Variants in ZSWIM5 observed in about 807,000 individuals in gnomAD.
The protein encoded by ZSWIM5 is zinc finger SWIM domain-containing protein 5.
In ZSWIM5, 55 loss-of-function variants were observed where a neutral mutation model predicts 119.6. That is an observed-to-expected ratio of 0.46 (90% CI 0.37 to 0.58). ZSWIM5 has a LOEUF of 0.58. Among genes scored for constraint, ZSWIM5 ranks in the 20% least tolerant of loss-of-function variants. ZSWIM5 has a pLI of 0.00. For synonymous variants in ZSWIM5, 537 were observed against 606.9 expected, an observed-to-expected ratio of 0.88 and a Z score of 1.69; for missense variants, 1,193 against 1,512.8, an observed-to-expected ratio of 0.79 and a Z score of 3.51.
At chr1:45,081,370 G>A (rs1645289233) in intron 2 of ZSWIM5, among the ~76,000 whole-genome samples, 1 of 152,018 alleles carries the variant, frequency 6.6e-6, no homozygotes, top group African/African-American at 2.4e-5. Flanking sequence ...AGCCGAAGCT[G>A]GACTATACTG....
intron 1 of ZSWIM5, among the ~76,000 whole-genome samples, chr1:45,172,580 A>G (rs1645952776): frequency 6.6e-6 from 1 of 152,168 alleles, no homozygotes; most frequent in Non-Finnish European, 1.5e-5. Flanking sequence ...ATAAGACCTT[A>G]GACAAGACAA....
intron 1 of ZSWIM5, among the ~76,000 whole-genome samples, chr1:45,131,177 T>A (rs539055135): frequency 1.3e-5 from 2 of 152,300 alleles, no homozygotes; most frequent in African/African-American, 4.8e-5. Flanking sequence ...GAATCTTAAA[T>A]ATATCAATGT....
At chr1:45,092,046 T>C (rs1003551014) in intron 1 of ZSWIM5, among the ~76,000 whole-genome samples, 2 of 152,320 alleles carry the variant, frequency 1.3e-5, no homozygotes, top group African/African-American at 4.8e-5. Context: ...TTTAATCCTG[T>C]GCAGATACAT....
At chr1:45,160,657 CTT>C (rs35617888) in intron 1 of ZSWIM5, among the ~76,000 whole-genome samples, 11 of 142,716 alleles carry the variant, frequency 7.7e-5, no homozygotes, top group African/African-American at 2.6e-4. Flanking sequence ...ATATGTACCA[CTT>C]TTTTTTTTTT....
chr1:45,155,731 A>G (rs1645823143), intron 1 of ZSWIM5, among the ~76,000 whole-genome samples: 1 of 152,258 alleles, frequency 6.6e-6, no homozygotes, highest in Admixed American at 6.5e-5. Flanking sequence ...TGGCACTCGC[A>G]GCAACCTGGA....
Position 45,044,767 on chromosome 1 carries a change from A to G in ZSWIM5, c.1433-1372T>C, listed in dbSNP as rs1300483158. Among the ~76,000 whole-genome samples the G allele has an allele frequency of 7.9e-4, 3 of 3,798 alleles. 1 individual carries two copies. Among genetic ancestry groups the G allele is most frequent in the East Asian group, 0.022 (2 of 90 alleles). 2.5% of individuals were successfully genotyped at this position (3,798 alleles called of 152,430 possible). A position where few individuals can be genotyped will look rare whatever the true frequency, so the allele number is the denominator to read the frequency against. ...AAAAAATATATATATATATATATAT[A>G]TATATATAAATATATATATATAAAT... On this transcript the variant is annotated intron_variant, in intron 5 of 13. Coordinates refer to ENST00000359600, the MANE Select transcript of ZSWIM5 (RefSeq NM_020883.2).
intron 1 of ZSWIM5, among the ~76,000 whole-genome samples, chr1:45,179,555 T>C (rs893449525): frequency 1.3e-5 from 2 of 152,116 alleles, no homozygotes; most frequent in African/African-American, 4.8e-5. Context: ...CCGTGAAATA[T>C]TCCTTTGTAG....
At chr1:45,085,795 C>T (rs1198005224) in intron 2 of ZSWIM5, among the ~76,000 whole-genome samples, 2 of 152,178 alleles carry the variant, frequency 1.3e-5, no homozygotes, top group East Asian at 3.8e-4. Context: ...TTGGTCACAA[C>T]AATTTAACAA....
chr1:45,178,975 C>T (rs970773660), intron 1 of ZSWIM5, among the ~76,000 whole-genome samples: 5 of 151,482 alleles, frequency 3.3e-5, no homozygotes, highest in African/African-American at 1.2e-4. Flanking sequence ...GGTACAAGAT[C>T]AACATACAAA....
intron 11 of ZSWIM5, among the ~76,000 whole-genome samples, chr1:45,024,270 C>T (rs1449533796): frequency 6.7e-6 from 1 of 149,280 alleles, no homozygotes; most frequent in East Asian, 2.0e-4. Context: ...GGGCTCACTG[C>T]AACCTCTGCC....
At chr1:45,136,363 G>A (rs181518801) in intron 1 of ZSWIM5, among the ~76,000 whole-genome samples, 10 of 151,974 alleles carry the variant, frequency 6.6e-5, no homozygotes, top group Admixed American at 3.3e-4. Flanking sequence ...ATTTCATAGC[G>A]AAAATAAAAG....
chr1:45,200,830 T>A (rs1646153997), intron 1 of ZSWIM5, among the ~76,000 whole-genome samples: 1 of 152,214 alleles, frequency 6.6e-6, no homozygotes, highest in Non-Finnish European at 1.5e-5. Context: ...AAAATTCACA[T>A]GAAACTCAGA....
At chr1:45,054,992 A>T (rs1645112747) in intron 4 of ZSWIM5, among the ~76,000 whole-genome samples, 1 of 151,778 alleles carries the variant, frequency 6.6e-6, no homozygotes, top group Admixed American at 6.6e-5. Context: ...TGCCCGGTTA[A>T]TTTTTTGTAT....
chr1:45,047,409 C>A (rs1645062566), intron 5 of ZSWIM5, among the ~76,000 whole-genome samples: 2 of 152,114 alleles, frequency 1.3e-5, no homozygotes, highest in South Asian at 4.2e-4. Flanking sequence ...ATGGAGATGG[C>A]AAATCTGTAC....
Position 45,205,779 on chromosome 1 carries a change from G to T in ZSWIM5, c.572C>A (p.Ser191Tyr). ...ACCGACTTGCAGCACGTTCTCCACG[G>T]AGCCGCTGTCCAGCAGACGGATGCC... Reference protein sequence around the residue: ...RRGIRLLDSGSVENVLQVGFH... With the variant: ...RRGIRLLDSGYVENVLQVGFH... The change falls in exon 1 of 14, where the codon TCC becomes TAC. Residue 191 changes from serine (S) to tyrosine (Y), a missense_variant. Around this residue, in one of 2 missense-constraint regions of ZSWIM5, gnomAD observed 961 missense variants for 1,290.0 expected, o/e 0.74. Coordinates refer to ENST00000359600, the MANE Select transcript of ZSWIM5 (RefSeq NM_020883.2). The T allele has an allele frequency of 6.4e-7, 1 of 1,567,362 alleles. No homozygotes were observed. Among genetic ancestry groups the T allele is most frequent in the Non-Finnish European group, 8.6e-7 (1 of 1,161,620 alleles).
intron 2 of ZSWIM5, among the ~76,000 whole-genome samples, chr1:45,085,339 G>A (rs1207856348): frequency 6.6e-6 from 1 of 152,144 alleles, no homozygotes; most frequent in Admixed American, 6.5e-5. Context: ...CCATGAAGGT[G>A]TCTGAAATGC....
intron 1 of ZSWIM5, among the ~76,000 whole-genome samples, chr1:45,146,309 G>A (rs942202280): frequency 2.0e-4 from 30 of 146,640 alleles, no homozygotes; most frequent in African/African-American, 3.8e-4. Context: ...ATAACTATTC[G>A]TTTATACAGA....
intron 10 of ZSWIM5, among the ~76,000 whole-genome samples, chr1:45,034,872 C>A (rs1240599837): frequency 6.6e-6 from 1 of 152,166 alleles, no homozygotes; most frequent in African/African-American, 2.4e-5. Flanking sequence ...GCCCCGACCT[C>A]CCAGGCTCAA....
chr1:45,180,639 T>G (rs1233352812), intron 1 of ZSWIM5, among the ~76,000 whole-genome samples: 2 of 152,058 alleles, frequency 1.3e-5, no homozygotes, highest in East Asian at 3.9e-4. Flanking sequence ...CTCAAGTGGG[T>G]CCCTGATCCC....
Sources: gnomAD v4.1 joint callset for allele counts (sites outside exome capture counted in the v4.1 genomes callset) on GRCh38, gnomAD v4.1.1 for gene constraint, gnomAD v4.1.1 regional missense constraint, MANE v1.5 for transcripts, NCBI Gene and HGNC (gene_info 2026-07-23, HGNC 2026-07-21) for gene names.